Variants in DLGAP2 observed in about 807,000 individuals in gnomAD.
The protein encoded by DLGAP2 is DLG associated protein 2, also known as disks large-associated protein 2.
DLGAP2 carries 26 observed loss-of-function variants against 100.3 expected under a neutral mutation model. That is an observed-to-expected ratio of 0.26 (90% CI 0.19 to 0.36). The LOEUF (loss-of-function observed/expected upper bound fraction) is 0.36. DLGAP2 is among the 10% of genes least tolerant of loss of function. The pLI, the probability that DLGAP2 is intolerant of heterozygous loss-of-function variation, is 1.00. For synonymous variants in DLGAP2, 886 were observed against 630.1 expected, an observed-to-expected ratio of 1.41 and a Z score of -6.08; for missense variants, 1,858 against 1,453.2, an observed-to-expected ratio of 1.28 and a Z score of -4.53.
chr8:923,321 C>G (rs1480634137), intron 2 of DLGAP2, among the ~76,000 whole-genome samples: 2 of 152,208 alleles, frequency 1.3e-5, no homozygotes, highest in Non-Finnish European at 2.9e-5. Context: ...TCTCCTGTGT[C>G]ACGTCCCATG....
At chr8:1,411,756 G>A (rs926865297) in intron 3 of DLGAP2, among the ~76,000 whole-genome samples, 9 of 152,124 alleles carry the variant, frequency 5.9e-5, no homozygotes, top group African/African-American at 9.7e-5. Context: ...AATTATTTCC[G>A]TGAACTTTCC....
intron 3 of DLGAP2, among the ~76,000 whole-genome samples, chr8:1,326,874 C>T (rs1283789014): frequency 6.6e-6 from 1 of 152,130 alleles, no homozygotes; most frequent in Non-Finnish European, 1.5e-5. Context: ...GTTGTGGAAA[C>T]ATGTAAACAC....
At chr8:1,503,298 C>G (rs1799789051) in intron 4 of DLGAP2, among the ~76,000 whole-genome samples, 2 of 151,782 alleles carry the variant, frequency 1.3e-5, no homozygotes, top group Non-Finnish European at 2.9e-5. Flanking sequence ...TTTCCCCTCC[C>G]CAGCCCTGGA....
intron 3 of DLGAP2, among the ~76,000 whole-genome samples, chr8:1,352,749 C>G (rs2129635507): frequency 6.6e-6 from 1 of 152,294 alleles, no homozygotes; most frequent in East Asian, 1.9e-4. Context: ...AAATGCATTT[C>G]TCCTGCCTTT....
At chr8:1,191,174 T>C (rs967496314) in intron 2 of DLGAP2, among the ~76,000 whole-genome samples, 2 of 44,108 alleles carry the variant, frequency 4.5e-5, no homozygotes, top group African/African-American at 6.8e-5. Flanking sequence ...AGTAGATACA[T>C]TTTTTTTTTT....
intron 1 of DLGAP2, among the ~76,000 whole-genome samples, chr8:863,521 C>A (rs544330698): frequency 6.6e-6 from 1 of 152,174 alleles, no homozygotes; most frequent in African/African-American, 2.4e-5. Flanking sequence ...GGATATTAAC[C>A]GCTGTCAGAT....
intron 5 of DLGAP2, 147 bp downstream of exon 5, chr8:1,549,830 C>A (rs1384126409): frequency 3.1e-6 from 3 of 960,008 alleles, no homozygotes; most frequent in Admixed American, 2.9e-5. Flanking sequence ...TCTGGGACAG[C>A]TCCACTGAGC....
chr8:1,451,667 G>A (rs1250504945), intron 3 of DLGAP2, among the ~76,000 whole-genome samples: 1 of 151,958 alleles, frequency 6.6e-6, no homozygotes, highest in African/African-American at 2.4e-5. Flanking sequence ...CGAAAACTGA[G>A]GTCCCCAGCA....
At chr8:1,315,318 G>C (rs1171882672) in intron 3 of DLGAP2, among the ~76,000 whole-genome samples, 1 of 148,736 alleles carries the variant, frequency 6.7e-6, no homozygotes, top group African/African-American at 2.4e-5. Flanking sequence ...CTCCAACATT[G>C]GTCTACACTC....
intron 3 of DLGAP2, among the ~76,000 whole-genome samples, chr8:1,417,311 G>C (rs1053276375): frequency 1.3e-5 from 2 of 152,148 alleles, no homozygotes; most frequent in Non-Finnish European, 2.9e-5. Context: ...CGTCTGCGGG[G>C]TGCCCAGGTT....
At chr8:1,552,277 T>C (rs1356605880) in intron 5 of DLGAP2, among the ~76,000 whole-genome samples, 1 of 152,234 alleles carries the variant, frequency 6.6e-6, no homozygotes, top group Non-Finnish European at 1.5e-5. Flanking sequence ...ACGGCTTTCA[T>C]GGCGCTCGTT....
At chr8:807,645 G>C (rs1796293923) in intron 1 of DLGAP2, among the ~76,000 whole-genome samples, 1 of 141,684 alleles carries the variant, frequency 7.1e-6, no homozygotes, top group Admixed American at 7.2e-5. Context: ...TCATTCATAT[G>C]TTCTCTCTCC....
intron 2 of DLGAP2, among the ~76,000 whole-genome samples, chr8:1,141,965 ATAAG>A (rs1796529276): frequency 1.3e-5 from 2 of 152,160 alleles, no homozygotes; most frequent in Admixed American, 1.3e-4. Context: ...AAATTTGCAA[ATAAG>A]TAAGCTTATT....
intron 2 of DLGAP2, among the ~76,000 whole-genome samples, chr8:1,182,239 G>A (rs921647165): frequency 6.6e-6 from 1 of 152,226 alleles, no homozygotes; most frequent in African/African-American, 2.4e-5. Context: ...CAGGGGCTTG[G>A]GGGCGACTGC....
chr8:993,743 C>T (rs1483192014), intron 2 of DLGAP2, among the ~76,000 whole-genome samples: 1 of 144,472 alleles, frequency 6.9e-6, no homozygotes, highest in African/African-American at 2.6e-5. Context: ...AGGAGCAGTT[C>T]TCTAGATGCA....
At chr8:770,004 T>C (rs61140026) in intron 1 of DLGAP2, among the ~76,000 whole-genome samples, 4,195 of 152,176 alleles carry the variant, frequency 0.028, 205 homozygotes, top group African/African-American at 0.097. Context: ...TTATGAAACA[T>C]TGAGGGAGAG....
At chr8:947,219 C>T (rs938859603) in intron 2 of DLGAP2, among the ~76,000 whole-genome samples, 1 of 152,274 alleles carries the variant, frequency 6.6e-6, no homozygotes, top group East Asian at 1.9e-4. Context: ...GGAGCTGCAT[C>T]TGCAGGGCTG....
At chr8:860,550 A>C (rs1486191460) in intron 1 of DLGAP2, among the ~76,000 whole-genome samples, 1 of 152,232 alleles carries the variant, frequency 6.6e-6, no homozygotes, top group Non-Finnish European at 1.5e-5. Context: ...CTGCATTTGC[A>C]TAACACTCAT....
At chr8:830,104 TC>T in intron 1 of DLGAP2, among the ~76,000 whole-genome samples, 1 of 152,348 alleles carries the variant, frequency 6.6e-6, no homozygotes, top group East Asian at 1.9e-4. Context: ...AATGTACCTA[TC>T]TGCCCTCTCA....
Sources: allele counts gnomAD v4.1 joint callset (sites outside exome capture counted in the v4.1 genomes callset), GRCh38; gene constraint gnomAD v4.1.1; transcripts MANE v1.5; gene names NCBI Gene and HGNC (gene_info 2026-07-23, HGNC 2026-07-21).